TMEM132D: variants seen among roughly 807,000 people sequenced by gnomAD.
TMEM132D encodes the protein mature OL transmembrane protein.
In TMEM132D, 21 loss-of-function variants were observed where a neutral mutation model predicts 62.3. The ratio of observed to expected loss-of-function variants is 0.34; its 90% CI spans 0.24 to 0.49. The LOEUF (loss-of-function observed/expected upper bound fraction) is 0.49, where lower values mean the gene tolerates loss of function less well. Ranked by LOEUF, TMEM132D falls within the 20% of genes least tolerant of loss-of-function variation. TMEM132D has a pLI of 0.99. For synonymous variants in TMEM132D, 621 were observed against 575.6 expected (o/e 1.08, Z -1.13); for missense variants, 1,346 against 1,402.8 (o/e 0.96, Z 0.65).
chr12:129,754,122 T>C (rs1870087705), intron 1 of TMEM132D, among the ~76,000 whole-genome samples: 1 of 152,134 alleles, frequency 6.6e-6, no homozygotes, highest in African/African-American at 2.4e-5. Flanking sequence ...AGAAGAGATA[T>C]GAAGAAAAGA....
intron 2 of TMEM132D, among the ~76,000 whole-genome samples, chr12:129,551,275 T>C (rs189514374): frequency 3.1e-4 from 47 of 152,334 alleles, no homozygotes; most frequent in Non-Finnish European, 5.6e-4. Flanking sequence ...GTTTAGAGCA[T>C]TAAGTTTGTG....
At position 129,074,980 on chromosome 12, in the gene TMEM132D, GAGAAGTCTTTCCCATCGTAA is replaced by G; in HGVS notation, c.2175_2194del (p.Tyr726LeufsTer8). 1 of 1,613,966 alleles carries G rather than the reference GAGAAGTCTTTCCCATCGTAA, an allele frequency of 6.2e-7. No homozygotes were observed. The highest frequency in any genetic ancestry group is 8.5e-7 in the Non-Finnish European group (1 of 1,180,032). On this transcript the variant is annotated frameshift_variant, in exon 9 of 9. Coordinates refer to ENST00000422113, the MANE Select transcript of TMEM132D (RefSeq NM_133448.3). LOFTEE classifies it low-confidence loss of function (END_TRUNC). ...CTCATCCAAAGATGTGGCCATCAAG[GAGAAGTCTTTCCCATCGTAA>G]ATATCCAAGGGCGTGACTGAGCCAT...
At chr12:129,658,176 A>T (rs886654803) in intron 2 of TMEM132D, among the ~76,000 whole-genome samples, 1 of 152,230 alleles carries the variant, frequency 6.6e-6, no homozygotes, top group Non-Finnish European at 1.5e-5. Context: ...ATAGGGAATA[A>T]ACTTTCTAGG....
At chr12:129,394,634 C>T (rs781141243) in intron 3 of TMEM132D, among the ~76,000 whole-genome samples, 5 of 152,264 alleles carry the variant, frequency 3.3e-5, no homozygotes, top group East Asian at 1.9e-4. Flanking sequence ...GCCGCGTAGA[C>T]GCTGGGTGGC....
At chr12:129,294,443 C>T (rs967041500) in intron 4 of TMEM132D, among the ~76,000 whole-genome samples, 1 of 151,830 alleles carries the variant, frequency 6.6e-6, no homozygotes, top group Non-Finnish European at 1.5e-5. Flanking sequence ...ATCTTTACAG[C>T]TGTGCCCCAT....
rs373129679 is a variant in TMEM132D at position 129,432,167 on chromosome 12, A to T, written c.1116-94350T>A. Among the ~76,000 whole-genome samples, 460 of 132,610 alleles carry T rather than the reference A, an allele frequency of 3.5e-3. 8 individuals carry two copies. In the East Asian group the frequency reaches 0.062, roughly 18 times the overall value. The allele number at this position is 132,610 out of a possible 152,430, so 87.0% of individuals were successfully genotyped here. A position where few individuals can be genotyped will look rare whatever the true frequency, so the allele number is the denominator to read the frequency against. On this transcript the variant is annotated intron_variant, in intron 3 of 8. Transcript: ENST00000422113. ...GATGGATGGATGGATGCTTGGATGG[A>T]TGGATGGATGGATGGATGGATGGAT...
chr12:129,274,962 G>T (rs1267909393), intron 4 of TMEM132D, among the ~76,000 whole-genome samples: 1 of 152,096 alleles, frequency 6.6e-6, no homozygotes, highest in African/African-American at 2.4e-5. Context: ...AAATATCTTT[G>T]AAAATATATT....
At chr12:129,138,710 G>A (rs1876655994) in intron 5 of TMEM132D, among the ~76,000 whole-genome samples, 1 of 152,216 alleles carries the variant, frequency 6.6e-6, no homozygotes, top group Non-Finnish European at 1.5e-5. Flanking sequence ...GACAGAGCAA[G>A]ACTCCTTTTT....
At chr12:129,676,196 C>G (rs151294118) in intron 2 of TMEM132D, among the ~76,000 whole-genome samples, 1 of 152,112 alleles carries the variant, frequency 6.6e-6, no homozygotes, top group Non-Finnish European at 1.5e-5. Flanking sequence ...AAAAAATAAA[C>G]CACATCAAGA....
intron 3 of TMEM132D, among the ~76,000 whole-genome samples, chr12:129,476,931 C>T (rs549161160): frequency 2.0e-5 from 3 of 152,290 alleles, no homozygotes; most frequent in East Asian, 1.9e-4. Context: ...TTCTACCAAT[C>T]GTTTTTTGTC....
chr12:129,084,602 AG>A lies in TMEM132D; in HGVS notation c.1543del (p.Leu515TrpfsTer3), dbSNP rs752992861. 1 of 1,614,100 alleles carries A rather than the reference AG, an allele frequency of 6.2e-7. No individual in the cohort carries two copies. Among genetic ancestry groups the A allele is most frequent in the Admixed American group, 1.7e-5 (1 of 60,016 alleles). ...NFTYQHLSSP[L>X]EMTVWVPRLP... Reference sequence around the variant, plus strand: ...CCGGGGCACCCACACCGTCATCTCCAGGGGGCTGCTCAGGTGCTGGTAGGTG... The same window carrying A: ...CCGGGGCACCCACACCGTCATCTCCAGGGGCTGCTCAGGTGCTGGTAGGTG... On this transcript the variant is annotated frameshift_variant, in exon 6 of 9. Coordinates refer to ENST00000422113, the MANE Select transcript of TMEM132D (RefSeq NM_133448.3). LOFTEE classifies it high-confidence loss of function.
intron 2 of TMEM132D, among the ~76,000 whole-genome samples, chr12:129,637,796 G>T (rs1442179161): frequency 6.6e-6 from 1 of 152,080 alleles, no homozygotes; most frequent in Non-Finnish European, 1.5e-5. Flanking sequence ...GGTCTTACAT[G>T]GCAGGAGAAG....
chr12:129,157,493 A>C (rs775665963), intron 5 of TMEM132D, among the ~76,000 whole-genome samples: 3 of 152,238 alleles, frequency 2.0e-5, no homozygotes, highest in Non-Finnish European at 2.9e-5. Flanking sequence ...TGACATTACT[A>C]TCTTAGTTAC....
intron 3 of TMEM132D, among the ~76,000 whole-genome samples, chr12:129,444,132 A>C (rs1873023125): frequency 6.6e-6 from 1 of 152,172 alleles, no homozygotes; most frequent in South Asian, 2.1e-4. Flanking sequence ...AAAGACTTAA[A>C]TGTAAAACCC....
chr12:129,306,218 T>C (rs528322012), intron 4 of TMEM132D, among the ~76,000 whole-genome samples: 4 of 152,234 alleles, frequency 2.6e-5, no homozygotes, highest in Admixed American at 6.5e-5. Context: ...CTAAGTGTTG[T>C]AGTTATGTCT....
chr12:129,831,198 A>C (rs1191266778), intron 1 of TMEM132D, among the ~76,000 whole-genome samples: 1 of 152,192 alleles, frequency 6.6e-6, no homozygotes, highest in African/African-American at 2.4e-5. Context: ...ACATCACTGA[A>C]GGGGTGAAGA....
intron 4 of TMEM132D, among the ~76,000 whole-genome samples, chr12:129,233,393 T>G (rs989115690): frequency 1.3e-5 from 2 of 152,176 alleles, no homozygotes; most frequent in African/African-American, 4.8e-5. Flanking sequence ...CAAATGATTA[T>G]TTACCCTTTG....
At chr12:129,402,219 A>G (rs1210044173) in intron 3 of TMEM132D, among the ~76,000 whole-genome samples, 1 of 152,152 alleles carries the variant, frequency 6.6e-6, no homozygotes, top group Non-Finnish European at 1.5e-5. Flanking sequence ...CTCTTCTGAG[A>G]GTCTTGGTTA....
intron 3 of TMEM132D, among the ~76,000 whole-genome samples, chr12:129,349,880 C>T (rs1416289350): frequency 1.3e-5 from 2 of 152,114 alleles, no homozygotes; most frequent in East Asian, 1.9e-4. Flanking sequence ...TCTTTCCCAG[C>T]GACAATTACC....
Sources: gnomAD v4.1 joint callset for allele counts (sites outside exome capture counted in the v4.1 genomes callset) on GRCh38, gnomAD v4.1.1 for gene constraint, MANE v1.5 for transcripts, NCBI Gene and HGNC (gene_info 2026-07-23, HGNC 2026-07-21) for gene names.